Variants in TRAK2 observed in about 807,000 individuals in gnomAD.
TRAK2 encodes trafficking kinesin protein 2.
In TRAK2, 81 loss-of-function variants were observed where a neutral mutation model predicts 104.6. The ratio of observed to expected loss-of-function variants is 0.77; its 90% CI spans 0.65 to 0.93. The LOEUF (loss-of-function observed/expected upper bound fraction) is 0.93, where lower values mean the gene tolerates loss of function less well. Ranked by LOEUF, TRAK2 falls within the 40% of genes least tolerant of loss-of-function variation. The pLI is 0.00. For synonymous variants in TRAK2, 406 were observed against 394.4 expected (o/e 1.03, Z -0.35); for missense variants, 1,002 against 1,089.0 (o/e 0.92, Z 1.12).
intron 2 of TRAK2, among the ~76,000 whole-genome samples, chr2:201,414,120 T>C (rs1221061338): frequency 2.6e-5 from 4 of 152,194 alleles, no homozygotes; most frequent in Non-Finnish European, 5.9e-5. Flanking sequence ...AGGTACTCAC[T>C]GAATACTATT....
At position 201,380,973 on chromosome 2, in the gene TRAK2, G is replaced by A. The variant is rs186549873; in HGVS notation, c.2315C>T (p.Ala772Val). The change falls in exon 16 of 16, where the codon GCT becomes GTT. Residue 772 changes from alanine (A) to valine (V), a missense_variant. By Grantham distance (64) the Ala-to-Val change is moderately conservative (BLOSUM62 0). Transcript: ENST00000332624. ...NPLQPLPKSLAIPSTPPNSPS... is the reference protein window; with the variant it reads ...NPLQPLPKSLVIPSTPPNSPS... ...TGAATTTGGTGGTGTGGAAGGGATA[G>A]CCAGGGATTTAGGGAGAGGCTGGAG... The A allele has an allele frequency of 4.3e-6, 7 of 1,614,154 alleles. No homozygotes were observed. In the Admixed American group the frequency reaches 8.3e-5, roughly 19 times the overall value.
At chr2:201,410,581 C>T in intron 2 of TRAK2, 2 of 1,247,106 alleles carry the variant, frequency 1.6e-6, no homozygotes, top group Non-Finnish European at 2.3e-6. Context: ...GCTAGCTGAA[C>T]TGCTATTGGT....
chr2:201,388,745 C>A (rs1951415406), intron 12 of TRAK2, among the ~76,000 whole-genome samples: 1 of 152,130 alleles, frequency 6.6e-6, no homozygotes, highest in Non-Finnish European at 1.5e-5. Context: ...GGCAGTAGGA[C>A]ACAAAGCTGC....
In TRAK2 at chr2:201,407,472, G is replaced by A; in HGVS notation, c.217C>T (p.Pro73Ser). 6.2e-7 allele frequency: 1 copy of A among 1,614,100 alleles called. No homozygotes were observed. Residue 73 changes from proline (P) to serine (S), a missense_variant, in exon 3 of 16, where the codon CCA (proline) becomes TCA (serine). By Grantham distance (74) the Pro-to-Ser change is moderately conservative (BLOSUM62 -1). Coordinates refer to ENST00000332624, the MANE Select transcript of TRAK2 (RefSeq NM_015049.3). ...TCAGATGCATGCTGCCGCTGGTGTG[G>A]AGACTGAGTCCAGTCTTGATTTTCA... ...LYENQDWTQSPHQRQHASDAL... is the reference protein window; with the variant it reads ...LYENQDWTQSSHQRQHASDAL...
At chr2:201,397,281 G>C (rs527529561) in intron 7 of TRAK2, among the ~76,000 whole-genome samples, 1 of 152,280 alleles carries the variant, frequency 6.6e-6, no homozygotes, top group South Asian at 2.1e-4. Context: ...ACATAGGTCT[G>C]TAATGATAAT....
At chr2:201,440,529 T>C (rs1951912904) in intron 1 of TRAK2, among the ~76,000 whole-genome samples, 1 of 152,226 alleles carries the variant, frequency 6.6e-6, no homozygotes, top group Non-Finnish European at 1.5e-5. Flanking sequence ...GGTATTCTTT[T>C]ACCTAGCCTA....
rs958340740 is a variant in TRAK2 at position 201,435,322 on chromosome 2, T to A, written c.-199-14616A>T. Among the ~76,000 whole-genome samples, 5 of 152,226 alleles carry A rather than the reference T, an allele frequency of 3.3e-5. No individual in the cohort carries two copies. The South Asian group carries it at 1.0e-3, about 31-fold the overall frequency. ...ATCTGCCTGCCTTGGCCTCCCAAAG[T>A]GCTGGGTTTACAGGCAAGAGCTACC... On this transcript the variant is annotated intron_variant, in intron 1 of 15. Transcript: ENST00000332624.
chr2:201,429,567 ACTCTTTTTT>A (rs936027583), intron 1 of TRAK2, among the ~76,000 whole-genome samples: 3 of 150,914 alleles, frequency 2.0e-5, no homozygotes, highest in Non-Finnish European at 4.4e-5. Context: ...ATTTCTTTTT[ACTCTTTTTT>A]CTCTAAACTT....
intron 3 of TRAK2, among the ~76,000 whole-genome samples, chr2:201,404,533 C>T (rs1312235164): frequency 6.6e-6 from 1 of 152,140 alleles, no homozygotes; most frequent in Non-Finnish European, 1.5e-5. Flanking sequence ...TTCACTAATC[C>T]TTACTTTATG....
chr2:201,388,652 G>C (rs796587158), intron 12 of TRAK2, among the ~76,000 whole-genome samples: 8 of 152,176 alleles, frequency 5.3e-5, no homozygotes, highest in African/African-American at 1.9e-4. Flanking sequence ...AGCAAGCTGA[G>C]TTGTGGGTAC....
At chr2:201,387,428 C>T in intron 13 of TRAK2, among the ~76,000 whole-genome samples, 1 of 152,120 alleles carries the variant, frequency 6.6e-6, no homozygotes, top group East Asian at 1.9e-4. Flanking sequence ...TATTCCTTAG[C>T]AAAGGACAGA....
Position 201,386,206 on chromosome 2 carries a change from C to T in TRAK2, c.1963+12G>A, listed in dbSNP as rs370779996. ...GGTTATTATACCATATTCAACCAGA[C>T]ACTCTTCTCACCTGTAACTGGTCCA... On this transcript the variant is annotated intron_variant, in intron 14 of 15. Transcript: ENST00000332624. 2.8e-5 allele frequency: 45 copies of T among 1,613,800 alleles called. 2 individuals carry two copies. The South Asian group carries it at 4.9e-4, about 18-fold the overall frequency.
chr2:201,419,527 A>G (rs1219906495), intron 2 of TRAK2: 1 of 152,236 alleles, frequency 6.6e-6, no homozygotes, highest in African/African-American at 2.5e-5. Context: ...AAGTGGCAGA[A>G]AGCAGATTAG....
chr2:201,419,804 T>G (rs1951724760), intron 2 of TRAK2, among the ~76,000 whole-genome samples: 1 of 152,250 alleles, frequency 6.6e-6, no homozygotes, highest in African/African-American at 2.4e-5. Flanking sequence ...AGTGGCACTG[T>G]ACATTAACTG....
chr2:201,421,224 G>T (rs900942959), intron 1 of TRAK2, among the ~76,000 whole-genome samples: 2 of 152,088 alleles, frequency 1.3e-5, no homozygotes, highest in Non-Finnish European at 1.5e-5. Flanking sequence ...AGGCCAGAAG[G>T]GGGGAAATGG....
chr2:201,398,843 C>T (rs191233940), intron 5 of TRAK2, among the ~76,000 whole-genome samples: 34 of 152,128 alleles, frequency 2.2e-4, no homozygotes, highest in African/African-American at 7.7e-4. Context: ...GGCTCAAATG[C>T]TATCATCCAT....
chr2:201,392,072 C>A (rs1258512809), intron 10 of TRAK2, among the ~76,000 whole-genome samples: 2 of 152,058 alleles, frequency 1.3e-5, no homozygotes, highest in Admixed American at 1.3e-4. Flanking sequence ...AGTAAATACA[C>A]ACTTAAGTAC....
At chr2:201,427,298 T>G (rs1310145264) in intron 1 of TRAK2, among the ~76,000 whole-genome samples, 1 of 152,008 alleles carries the variant, frequency 6.6e-6, no homozygotes, top group African/African-American at 2.4e-5. Context: ...ACATTAGGTA[T>G]TTCTTCTAAT....
rs1951491789 is a variant in TRAK2, at chr2:201,395,321, A to C, written c.893T>G (p.Leu298Arg). Residue 298 changes from leucine to arginine, a missense_variant, in exon 8 of 16, where the codon CTT (leucine) becomes CGT (arginine). Transcript: ENST00000332624. Reference sequence around the variant, plus strand: ...ATGAATGAATAAACCTACTTCTTTAAGTTTGTGCTGAAGGTCTACAATCTG... The same window carrying C: ...ATGAATGAATAAACCTACTTCTTTACGTTTGTGCTGAAGGTCTACAATCTG... ...LSQIVDLQHK[L>R]KEHVIEKEEL... 6.2e-7 allele frequency: 1 copy of C among 1,603,704 alleles called. No homozygotes were observed. The highest frequency in any genetic ancestry group is 8.5e-7 in the Non-Finnish European group (1 of 1,172,430).
Sources: gnomAD v4.1 joint callset for allele counts (sites outside exome capture counted in the v4.1 genomes callset) on GRCh38, gnomAD v4.1.1 for gene constraint, MANE v1.5 for transcripts, NCBI Gene and HGNC (gene_info 2026-07-23, HGNC 2026-07-21) for gene names.